The following SLC4A10 variants were observed in gnomAD, a reference collection of about 807,000 sequenced individuals.
SLC4A10 encodes the protein sodium-driven chloride bicarbonate exchanger.
In SLC4A10, 42 loss-of-function variants were observed where a neutral mutation model predicts 137.7. The ratio of observed to expected loss-of-function variants is 0.30; its 90% CI spans 0.24 to 0.39. SLC4A10 has a LOEUF of 0.39. Ranked by LOEUF, SLC4A10 falls within the 10% of genes least tolerant of loss-of-function variation. The pLI, the probability that SLC4A10 is intolerant of heterozygous loss-of-function variation, is 1.00. For synonymous variants in SLC4A10, 474 were observed against 464.1 expected (o/e 1.02, Z -0.27); for missense variants, 925 against 1,355.0 (o/e 0.68, Z 4.98).
intron 2 of SLC4A10, among the ~76,000 whole-genome samples, chr2:161,790,294 A>G (rs1010754696): frequency 6.6e-6 from 1 of 152,146 alleles, no homozygotes; most frequent in Non-Finnish European, 1.5e-5. Context: ...CCCATTGGAG[A>G]CTACTTTTAT....
chr2:161,748,753 G>A (rs2048648821), intron 1 of SLC4A10, among the ~76,000 whole-genome samples: 1 of 151,792 alleles, frequency 6.6e-6, no homozygotes, highest in African/African-American at 2.4e-5. Flanking sequence ...AGATTTCCTT[G>A]GCTATTTGTG....
intron 15 of SLC4A10, among the ~76,000 whole-genome samples, chr2:161,933,199 CT>C (rs1256814397): frequency 1.9e-5 from 2 of 103,296 alleles, no homozygotes; most frequent in Non-Finnish European, 4.1e-5. Context: ...TTCTTTCTTT[CT>C]TTCTTTCTTT....
chr2:161,828,808 ATG>A (rs56676229), intron 3 of SLC4A10, among the ~76,000 whole-genome samples: 1 of 122,530 alleles, frequency 8.2e-6, no homozygotes, highest in African/African-American at 3.1e-5. Flanking sequence ...ATATATATAT[ATG>A]TATAATCTAC....
At chr2:161,832,877 A>C (rs2058523281) in intron 3 of SLC4A10, among the ~76,000 whole-genome samples, 1 of 152,112 alleles carries the variant, frequency 6.6e-6, no homozygotes, top group South Asian at 2.1e-4. Flanking sequence ...AATAGCTGGG[A>C]TTACAGGCGC....
At chr2:161,967,282 G>A (rs1219884403) in intron 23 of SLC4A10, among the ~76,000 whole-genome samples, 7 of 152,222 alleles carry the variant, frequency 4.6e-5, no homozygotes, top group African/African-American at 1.7e-4. Flanking sequence ...AGTGTGTGCT[G>A]CAAGGGAATA....
intron 1 of SLC4A10, among the ~76,000 whole-genome samples, chr2:161,666,428 G>A (rs1289901972): frequency 6.6e-6 from 1 of 151,542 alleles, no homozygotes; most frequent in Admixed American, 6.6e-5. Flanking sequence ...CTCATTAAGG[G>A]GGAAAAAAAT....
chr2:161,924,822 A>G (rs1289181650), intron 15 of SLC4A10, among the ~76,000 whole-genome samples: 2 of 152,204 alleles, frequency 1.3e-5, no homozygotes, highest in Admixed American at 1.3e-4. Context: ...CTAACACAGT[A>G]TAACCACTTT....
chr2:161,846,296 G>A (rs62187745), intron 4 of SLC4A10, among the ~76,000 whole-genome samples: 9,246 of 152,100 alleles, frequency 0.061, 370 homozygotes, highest in East Asian at 0.13. Context: ...TAATAGAATA[G>A]TAAAAATGAA....
At chr2:161,725,713 G>C (rs1437281326) in intron 1 of SLC4A10, among the ~76,000 whole-genome samples, 1 of 152,094 alleles carries the variant, frequency 6.6e-6, no homozygotes, top group Non-Finnish European at 1.5e-5. Flanking sequence ...TAAAAAGTGG[G>C]GATTTATAAC....
At chr2:161,715,142 G>A (rs559688021) in intron 1 of SLC4A10, among the ~76,000 whole-genome samples, 1 of 151,966 alleles carries the variant, frequency 6.6e-6, no homozygotes, top group Non-Finnish European at 1.5e-5. Flanking sequence ...TGCCTGCAAA[G>A]GATAGGACAA....
At chr2:161,944,220 T>C (rs563955852) in intron 16 of SLC4A10, among the ~76,000 whole-genome samples, 1 of 151,978 alleles carries the variant, frequency 6.6e-6, no homozygotes, top group South Asian at 2.1e-4. Context: ...ATTCAGAATT[T>C]AGACATGGGG....
intron 23 of SLC4A10, among the ~76,000 whole-genome samples, chr2:161,971,175 C>A (rs1698459129): frequency 6.6e-6 from 1 of 152,216 alleles, no homozygotes; most frequent in Non-Finnish European, 1.5e-5. Context: ...GATTATTCTT[C>A]TTGTTAACTG....
chr2:161,901,058 C>A, intron 12 of SLC4A10, 47 bp downstream of exon 12: 1 of 1,334,860 alleles, frequency 7.5e-7, no homozygotes, highest in South Asian at 1.3e-5. Flanking sequence ...AAATGACATA[C>A]CATTCTTCTC....
chr2:161,840,360 G>A (rs1211605840), intron 4 of SLC4A10, among the ~76,000 whole-genome samples: 1 of 152,110 alleles, frequency 6.6e-6, no homozygotes, highest in Non-Finnish European at 1.5e-5. Flanking sequence ...CTTTCATGAG[G>A]ATAAAAATAA....
chr2:161,734,544 A>G (rs1051201969), intron 1 of SLC4A10, among the ~76,000 whole-genome samples: 8 of 152,068 alleles, frequency 5.3e-5, no homozygotes, highest in Non-Finnish European at 1.2e-4. Flanking sequence ...TATCAGCAGC[A>G]TGAAAATGAA....
chr2:161,893,693 C>T (rs1004589152), intron 10 of SLC4A10, among the ~76,000 whole-genome samples: 2 of 151,760 alleles, frequency 1.3e-5, no homozygotes, highest in South Asian at 4.2e-4. Flanking sequence ...GAGTGAGACC[C>T]TGCCTCTAAA....
At chr2:161,769,197 A>C (rs2051264953) in intron 1 of SLC4A10, among the ~76,000 whole-genome samples, 1 of 151,918 alleles carries the variant, frequency 6.6e-6, no homozygotes, top group African/African-American at 2.4e-5. Context: ...TTACATCTAG[A>C]ATCTCTGCTT....
rs200690196 is a variant in SLC4A10 at position 161,638,952 on chromosome 2, GA to G, written c.48+14387del. 4.0e-5 allele frequency among the ~76,000 whole-genome samples: 6 copies of G among 151,148 alleles called. 1 individual carries two copies. In the South Asian group the frequency reaches 1.3e-3, roughly 32 times the overall value. ...ATAAATAAAATCAGAGATAAAAAAG[GA>G]GACATTTCAACTCATGGTCAAAGAA... is the stretch of plus-strand genomic sequence containing the variant. On this transcript the variant is annotated intron_variant, in intron 1 of 26. Coordinates refer to ENST00000446997, the MANE Select transcript of SLC4A10 (RefSeq NM_001178015.2).
chr2:161,945,670 A>G (rs1443428144), intron 16 of SLC4A10, among the ~76,000 whole-genome samples: 12 of 151,762 alleles, frequency 7.9e-5, no homozygotes, highest in Non-Finnish European at 1.5e-4. Context: ...AAATCTGAAA[A>G]TAATTGTTGA....
Sources: allele counts gnomAD v4.1 joint callset (sites outside exome capture counted in the v4.1 genomes callset), GRCh38; gene constraint gnomAD v4.1.1; transcripts MANE v1.5; gene names NCBI Gene and HGNC (gene_info 2026-07-23, HGNC 2026-07-21).